The following SCUBE1 variants were observed in gnomAD, a reference collection of about 807,000 sequenced individuals.
SCUBE1 encodes the protein signal peptide, CUB and EGF-like domain-containing protein 1.
Under a neutral mutation model 124.4 loss-of-function variants are expected in SCUBE1, and 59 were observed. The observed-to-expected ratio is 0.47, with a 90% confidence interval of 0.38 to 0.59. The LOEUF (loss-of-function observed/expected upper bound fraction) is 0.59. Among genes scored for constraint, SCUBE1 ranks in the 20% least tolerant of loss-of-function variants. The pLI, the probability that SCUBE1 is intolerant of heterozygous loss-of-function variation, is 0.00. For missense variants in SCUBE1, 1,150 were observed against 1,371.2 expected (o/e 0.84, Z 2.55); for synonymous variants, 545 against 550.9 (o/e 0.99, Z 0.15).
chr22:43,248,382 T>C (rs1454085855), intron 6 of SCUBE1, among the ~76,000 whole-genome samples: 1 of 152,216 alleles, frequency 6.6e-6, no homozygotes, highest in Non-Finnish European at 1.5e-5. Flanking sequence ...AGCCCTCGTC[T>C]TTTCTCTACT....
intron 10 of SCUBE1, among the ~76,000 whole-genome samples, chr22:43,224,598 T>C (rs1922230897): frequency 6.6e-6 from 1 of 152,190 alleles, no homozygotes; most frequent in Non-Finnish European, 1.5e-5. Flanking sequence ...CCAATTCCTG[T>C]AGGCAACTAG....
intron 10 of SCUBE1, among the ~76,000 whole-genome samples, chr22:43,226,369 T>C (rs1372864883): frequency 1.3e-5 from 2 of 151,776 alleles, no homozygotes; most frequent in African/African-American, 2.4e-5. Context: ...GGGTGGGTGA[T>C]GGGGCAGGCC....
chr22:43,214,345 C>T (rs972606325), intron 15 of SCUBE1, 94 bp from the exon 16 acceptor site: 1 of 1,312,182 alleles, frequency 7.6e-7, no homozygotes. Context: ...CTGATAGACA[C>T]AGTCCTTGTC....
At chr22:43,229,628 T>A (rs1158917596) in intron 8 of SCUBE1, among the ~76,000 whole-genome samples, 1 of 152,108 alleles carries the variant, frequency 6.6e-6, no homozygotes, top group African/African-American at 2.4e-5. Context: ...CCAAAGCATC[T>A]TTCCCCATCA....
At position 43,207,558 on chromosome 22, in the gene SCUBE1, C is replaced by G; in HGVS notation, c.2790G>C (p.Ser930=). ...CTTTCAAAATTTCCTGGTGGTTCTC[C>G]GAGGCGTACAGGCGCCCATCGCGCA... The part of the protein sequence containing the change: ...DIVRDGRLYA[S]ENHQEILKDK... Residue 930 remains serine, a synonymous_variant, in exon 21 of 22, where the codon TCG becomes TCC. Transcript: ENST00000360835. The G allele has an allele frequency of 6.2e-7, 1 of 1,614,000 alleles. No homozygotes were observed. Among genetic ancestry groups the G allele is most frequent in the Non-Finnish European group, 8.5e-7 (1 of 1,179,906 alleles).
intron 2 of SCUBE1, among the ~76,000 whole-genome samples, chr22:43,321,851 TATAGGC>T (rs1926566593): frequency 6.6e-6 from 1 of 151,594 alleles, no homozygotes; most frequent in South Asian, 2.1e-4. Context: ...TAGCTGGAAT[TATAGGC>T]ATAGGCCACT....
Position 43,321,720 on chromosome 22 carries a change from A to G in SCUBE1, c.221-1655T>C, listed in dbSNP as rs140256632. Among the ~76,000 whole-genome samples the G allele has an allele frequency of 2.2e-3, 342 of 152,296 alleles. 1 individual carries two copies. Among genetic ancestry groups the G allele is most frequent in the African/African-American group, 7.8e-3 (325 of 41,554 alleles). On this transcript the variant is annotated intron_variant, in intron 2 of 21. Coordinates refer to ENST00000360835, the MANE Select transcript of SCUBE1 (RefSeq NM_173050.5). ...ATAGGGGCACCTGCATCAGTTCTCA[A>G]TTCTGCAGCTCATTTGAATTGGTTT...
At chr22:43,290,894 C>T (rs1045739842) in intron 4 of SCUBE1, 152 bp downstream of exon 4, 2 of 796,348 alleles carry the variant, frequency 2.5e-6, no homozygotes, top group African/African-American at 3.5e-5. Context: ...CCATGCAGAA[C>T]CAATACCAGA....
intron 3 of SCUBE1, among the ~76,000 whole-genome samples, chr22:43,301,307 T>C (rs1925763268): frequency 6.6e-6 from 1 of 152,050 alleles, no homozygotes; most frequent in Non-Finnish European, 1.5e-5. Context: ...GCCATCCCCC[T>C]GCCTGAAAGC....
intron 3 of SCUBE1, among the ~76,000 whole-genome samples, chr22:43,315,752 C>T (rs577323659): frequency 0.024 from 672 of 27,796 alleles, 10 homozygotes; most frequent in African/African-American, 0.08. Context: ...GGTGGTGGGG[C>T]GGGGGAGGGG....
intron 3 of SCUBE1, among the ~76,000 whole-genome samples, chr22:43,292,157 G>A (rs1309171596): frequency 6.6e-6 from 1 of 152,108 alleles, no homozygotes; most frequent in African/African-American, 2.4e-5. Context: ...AAGGCTCTGT[G>A]CCCTGCAACT....
chr22:43,308,214 T>C (rs1402722390), intron 3 of SCUBE1, among the ~76,000 whole-genome samples: 1 of 152,228 alleles, frequency 6.6e-6, no homozygotes, highest in East Asian at 1.9e-4. Flanking sequence ...TTCTTTCAGA[T>C]TAACAGCTGT....
intron 10 of SCUBE1, among the ~76,000 whole-genome samples, chr22:43,223,944 C>T (rs1277057052): frequency 3.3e-5 from 5 of 152,208 alleles, no homozygotes; most frequent in African/African-American, 1.2e-4. Flanking sequence ...TTCTAGACTC[C>T]CATCAACCTA....
chr22:43,302,569 T>C (rs1052461247), intron 3 of SCUBE1, among the ~76,000 whole-genome samples: 3 of 152,180 alleles, frequency 2.0e-5, no homozygotes, highest in East Asian at 3.9e-4. Context: ...CCCAGGGCAG[T>C]AGCTGTTTTG....
At position 43,222,625 on chromosome 22, in the gene SCUBE1, C is replaced by T; in HGVS notation, c.1432+13G>A. The T allele has an allele frequency of 6.8e-7, 1 of 1,471,386 alleles. No homozygotes were observed. The highest frequency in any genetic ancestry group is 9.0e-7 in the Non-Finnish European group (1 of 1,117,174). 91.1% of individuals were successfully genotyped at this position (1,471,386 alleles called of 1,614,324 possible). On this transcript the variant is annotated intron_variant, in intron 12 of 21. Coordinates refer to ENST00000360835, the MANE Select transcript of SCUBE1 (RefSeq NM_173050.5). ...CCCAGTGGCATGCAGCATGGACAGG[C>T]CGGGGGGGTTACCTGAGCAGCTGGG...
chr22:43,304,959 T>C (rs1041820671), intron 3 of SCUBE1, among the ~76,000 whole-genome samples: 2 of 152,038 alleles, frequency 1.3e-5, no homozygotes, highest in Non-Finnish European at 2.9e-5. Flanking sequence ...GTCTAACTAA[T>C]CTCAGAGGCC....
intron 3 of SCUBE1, among the ~76,000 whole-genome samples, chr22:43,314,924 G>A (rs1177957026): frequency 6.6e-6 from 1 of 152,158 alleles, no homozygotes; most frequent in African/African-American, 2.4e-5. Context: ...TTAGCCATGT[G>A]GGATAGGGGC....
intron 7 of SCUBE1, among the ~76,000 whole-genome samples, chr22:43,235,218 C>T (rs527459454): frequency 1.3e-5 from 2 of 152,292 alleles, no homozygotes; most frequent in African/African-American, 2.4e-5. Flanking sequence ...TCTTGGGCCA[C>T]TGAGTGGACT....
intron 16 of SCUBE1, chr22:43,213,191 A>G (rs35738631): frequency 0.063 from 9,694 of 153,654 alleles, 504 homozygotes; most frequent in African/African-American, 0.13. Context: ...ATTGAGTGAG[A>G]GGCGGGTTTA....
Sources: gnomAD v4.1 joint callset for allele counts (sites outside exome capture counted in the v4.1 genomes callset) on GRCh38, gnomAD v4.1.1 for gene constraint, MANE v1.5 for transcripts, NCBI Gene and HGNC (gene_info 2026-07-23, HGNC 2026-07-21) for gene names.